Variants in ENTPD5 observed in about 807,000 individuals in gnomAD.
The protein encoded by ENTPD5 is nucleoside diphosphate phosphatase ENTPD5.
ENTPD5 carries 49 observed loss-of-function variants against 60.2 expected under a neutral mutation model. The observed-to-expected ratio is 0.81, with a 90% CI of 0.65 to 1.03. ENTPD5 has a LOEUF of 1.03. Among genes scored for constraint, ENTPD5 ranks in the 50% least tolerant of loss-of-function variants. ENTPD5 has a pLI of 0.00. For missense variants in ENTPD5, 480 were observed against 507.6 expected, an observed-to-expected ratio of 0.95 and a Z score of 0.52; for synonymous variants, 187 against 185.4, an observed-to-expected ratio of 1.01 and a Z score of -0.07.
At chr14:73,973,649 T>G (rs1367121024) in intron 12 of ENTPD5, among the ~76,000 whole-genome samples, 2 of 152,204 alleles carry the variant, frequency 1.3e-5, no homozygotes, top group Admixed American at 1.3e-4. Context: ...CCACAGCACT[T>G]GGCTAAGGGC....
downstream of ENTPD5, chr14:73,958,144 C>T: frequency 6.2e-7 from 1 of 1,613,882 alleles, no homozygotes; most frequent in Non-Finnish European, 8.5e-7. Flanking sequence ...TTGACCTCCC[C>T]AGACCGAGTG....
At chr14:73,973,045 G>A (rs1421608340) in intron 12 of ENTPD5, 21 bp from the exon 13 acceptor site, 3 of 1,613,278 alleles carry the variant, frequency 1.9e-6, no homozygotes, top group Non-Finnish European at 2.5e-6. Flanking sequence ...AAGGTGCACA[G>A]GGGTAAGGTG....
In ENTPD5 at chr14:74,015,154, G is replaced by C. The variant is rs1427227173; in HGVS notation, c.-131+670C>G. On this transcript the variant is annotated intron_variant, in intron 2 of 15. Coordinates refer to ENST00000334696, the MANE Select transcript of ENTPD5 (RefSeq NM_001249.5). ...TAATATATTTATTCAGGATTCTAAA[G>C]GCTATGTAGAAACAAAATCTAAAGT... Among the ~76,000 whole-genome samples the C allele has an allele frequency of 2.6e-5, 4 of 151,676 alleles. No homozygotes were observed. The East Asian group carries it at 7.7e-4, about 29-fold the overall frequency.
chr14:73,981,593 A>G (rs942900175), intron 6 of ENTPD5, among the ~76,000 whole-genome samples: 5 of 152,062 alleles, frequency 3.3e-5, no homozygotes, highest in Admixed American at 2.0e-4. Context: ...GCCTGAGCTC[A>G]GGAGTTTGAA....
In ENTPD5 at chr14:73,966,631, C is replaced by CA. The variant is rs1399891672; in HGVS notation, c.*296dup. On this transcript the variant is annotated 3_prime_UTR_variant, in exon 16 of 16. Coordinates refer to ENST00000334696, the MANE Select transcript of ENTPD5 (RefSeq NM_001249.5). ...TAAATATTCAGTGGAATGAGGCACT[C>CA]AAAGGGTTGAAATGCGATTTTTCTT... 1 of 302,926 alleles carries CA rather than the reference C, an allele frequency of 3.3e-6. No individual in the cohort carries two copies. Among genetic ancestry groups the CA allele is most frequent in the Non-Finnish European group, 6.1e-6 (1 of 163,332 alleles). The allele number at this position is 302,926 out of a possible 1,614,324, so 18.8% of individuals were successfully genotyped here. A position where few individuals can be genotyped will look rare whatever the true frequency, so the allele number is the denominator to read the frequency against.
At chr14:73,955,940 A>G (rs775587720), downstream of ENTPD5, 118 of 1,613,834 alleles carry the variant, frequency 7.3e-5, no homozygotes, top group Non-Finnish European at 3.9e-5. Context: ...TGAGGCCCCC[A>G]TCTTCCACCT....
At chr14:73,957,390 TA>T (rs894496986), downstream of ENTPD5, among the ~76,000 whole-genome samples, 11 of 152,344 alleles carry the variant, frequency 7.2e-5, no homozygotes, top group Non-Finnish European at 8.8e-5. Context: ...GGCCCTCTAT[TA>T]TTTAAATCGC....
At chr14:73,974,902 C>T in intron 11 of ENTPD5, 22 bp downstream of exon 11, 1 of 1,604,892 alleles carries the variant, frequency 6.2e-7, no homozygotes, top group Non-Finnish European at 8.5e-7. Context: ...CATCCCCCCC[C>T]AGCACAGGTA....
chr14:73,959,176 C>G, downstream of ENTPD5: 2 of 1,614,224 alleles, frequency 1.2e-6, no homozygotes, highest in Non-Finnish European at 1.7e-6. Flanking sequence ...CAGAAAACAA[C>G]GTAGCCTGGC....
intron 3 of ENTPD5, among the ~76,000 whole-genome samples, chr14:73,993,867 C>T (rs1169314164): frequency 2.0e-5 from 3 of 149,868 alleles, no homozygotes; most frequent in Non-Finnish European, 4.4e-5. Context: ...GTTTTTCTTC[C>T]AGAGATTTCA....
rs923562225 is a variant in ENTPD5, at chr14:73,964,195, G to C, written c.*2733C>G. 6.6e-6 allele frequency: 1 copy of C among 152,168 alleles called. No homozygotes were observed. The highest frequency in any genetic ancestry group is 2.1e-4 in the South Asian group (1 of 4,816). The allele number at this position is 152,168 out of a possible 1,614,324, so 9.4% of individuals were successfully genotyped here. On this transcript the variant is annotated 3_prime_UTR_variant, in exon 16 of 16. Transcript: ENST00000334696. ...TAAGGCACACCTCCATTGGCCCACA[G>C]AGAGTGTTCTTCATATGACAATGAT...
downstream of ENTPD5, chr14:73,957,961 A>C: frequency 1.7e-6 from 1 of 598,658 alleles, no homozygotes; most frequent in Non-Finnish European, 3.0e-6. Context: ...TTTTTTTGAC[A>C]TTGAGTTATC....
chr14:73,997,185 G>C (rs565570475), intron 3 of ENTPD5, among the ~76,000 whole-genome samples: 55 of 152,206 alleles, frequency 3.6e-4, no homozygotes, highest in Non-Finnish European at 4.7e-4. Flanking sequence ...TAACAGCTTG[G>C]TACAGCTGGA....
chr14:73,961,233 G>T (rs756845757), downstream of ENTPD5: 3 of 1,614,130 alleles, frequency 1.9e-6, no homozygotes, highest in Non-Finnish European at 2.5e-6. Flanking sequence ...GCAGTATGCT[G>T]TCAGCCTTCT....
chr14:74,009,568 C>G (rs1376749504), intron 3 of ENTPD5, among the ~76,000 whole-genome samples: 1 of 152,170 alleles, frequency 6.6e-6, no homozygotes, highest in East Asian at 1.9e-4. Flanking sequence ...CTTTCCCCCA[C>G]CAAATGTGGC....
At chr14:73,969,492 A>G (rs903361119) in intron 15 of ENTPD5, among the ~76,000 whole-genome samples, 11 of 152,238 alleles carry the variant, frequency 7.2e-5, no homozygotes, top group African/African-American at 2.4e-4. Flanking sequence ...AGGAGTTCTC[A>G]GGAGTTCGAG....
chr14:73,997,584 A>G (rs2058378436), intron 3 of ENTPD5, among the ~76,000 whole-genome samples: 1 of 152,200 alleles, frequency 6.6e-6, no homozygotes, highest in Non-Finnish European at 1.5e-5. Context: ...CTATGGAACC[A>G]ATATAGTTAA....
chr14:73,959,375 CAG>C, downstream of ENTPD5: 1 of 1,614,182 alleles, frequency 6.2e-7, no homozygotes. Context: ...CCAAGTGCAG[CAG>C]AGTCTTAGCC....
intron 6 of ENTPD5, among the ~76,000 whole-genome samples, chr14:73,981,761 C>T (rs143935706): frequency 1.8e-4 from 27 of 148,366 alleles, no homozygotes; most frequent in Middle Eastern, 7.0e-3. Flanking sequence ...GAGCCAAGAT[C>T]GTGCCACTGC....
Sources: gnomAD v4.1 joint callset for allele counts (sites outside exome capture counted in the v4.1 genomes callset) on GRCh38, gnomAD v4.1.1 for gene constraint, MANE v1.5 for transcripts, NCBI Gene and HGNC (gene_info 2026-07-23, HGNC 2026-07-21) for gene names.